ARFGAP3: variants seen among roughly 807,000 people sequenced by gnomAD.
ARFGAP3 encodes ADP-ribosylation factor GTPase-activating protein 3.
A neutral mutation model predicts 75.0 loss-of-function variants in ARFGAP3; 72 were observed. That is an observed-to-expected ratio of 0.96 (90% CI 0.79 to 1.17). ARFGAP3 has a LOEUF of 1.17. Ranked by LOEUF, ARFGAP3 falls within the 50% of genes most tolerant of loss-of-function variation. ARFGAP3 has a pLI of 0.00. For synonymous variants in ARFGAP3, 221 were observed against 217.9 expected (o/e 1.01, Z -0.13); for missense variants, 620 against 626.6 (o/e 0.99, Z 0.11).
intron 11 of ARFGAP3, 114 bp from the exon 12 acceptor site, chr22:42,811,058 T>C (rs1925349153): frequency 1.4e-5 from 20 of 1,471,278 alleles, no homozygotes; most frequent in Non-Finnish European, 1.8e-5. Flanking sequence ...GGCAGTCACA[T>C]AACTAGGTCT....
chr22:42,850,096 T>C (rs1172635324), intron 1 of ARFGAP3, among the ~76,000 whole-genome samples: 1 of 152,114 alleles, frequency 6.6e-6, no homozygotes, highest in African/African-American at 2.4e-5. Flanking sequence ...AACAGGAGCA[T>C]AAAAGTACTT....
chr22:42,846,239 A>T (rs935904622), intron 2 of ARFGAP3, among the ~76,000 whole-genome samples: 2 of 152,142 alleles, frequency 1.3e-5, no homozygotes, highest in South Asian at 4.1e-4. Context: ...ATCTCTGGAA[A>T]TTGTCTGGGG....
At chr22:42,813,948 C>A (rs747736280) in intron 11 of ARFGAP3, among the ~76,000 whole-genome samples, 1 of 152,160 alleles carries the variant, frequency 6.6e-6, no homozygotes, top group Non-Finnish European at 1.5e-5. Context: ...TCTGTCTTTA[C>A]CCAATCTTGA....
intron 13 of ARFGAP3, 33 bp downstream of exon 13, chr22:42,808,734 T>A: frequency 6.4e-7 from 1 of 1,557,314 alleles, no homozygotes; most frequent in South Asian, 1.1e-5. Flanking sequence ...TCCTGCATTA[T>A]GGGGCACCCA....
chr22:42,818,660 T>G (rs1016411640), intron 9 of ARFGAP3, among the ~76,000 whole-genome samples: 2 of 151,804 alleles, frequency 1.3e-5, no homozygotes, highest in Non-Finnish European at 2.9e-5. Flanking sequence ...TTCAGGGCCC[T>G]GAAAAATGAT....
At chr22:42,826,170 T>C (rs972733673) in intron 7 of ARFGAP3, among the ~76,000 whole-genome samples, 1 of 152,196 alleles carries the variant, frequency 6.6e-6, no homozygotes, top group Non-Finnish European at 1.5e-5. Flanking sequence ...ATGGAATATA[T>C]AACAATTACA....
chr22:42,855,948 G>C (rs2146596280), intron 1 of ARFGAP3, among the ~76,000 whole-genome samples: 1 of 152,276 alleles, frequency 6.6e-6, no homozygotes, highest in East Asian at 1.9e-4. Flanking sequence ...GGCTGGGAAG[G>C]AAGGATGGCT....
At chr22:42,832,542 A>G (rs1374521401) in intron 5 of ARFGAP3, among the ~76,000 whole-genome samples, 3 of 152,154 alleles carry the variant, frequency 2.0e-5, no homozygotes, top group Admixed American at 1.3e-4. Context: ...TCAAAAAAAA[A>G]AAAAACGAAA....
chr22:42,799,653 C>G lies in ARFGAP3; in HGVS notation c.1412-493G>C, dbSNP rs144925694. Among the ~76,000 whole-genome samples the G allele has an allele frequency of 5.2e-3, 789 of 152,310 alleles. 7 individuals carry two copies. Among genetic ancestry groups the G allele is most frequent in the African/African-American group, 0.018 (754 of 41,566 alleles). Reference sequence around the variant, plus strand: ...GGCACATGACCCAGGCCTGACCAATCAGAGCCTTCCCAGGGATTCATGTAT... The same window carrying G: ...GGCACATGACCCAGGCCTGACCAATGAGAGCCTTCCCAGGGATTCATGTAT... On this transcript the variant is annotated intron_variant, in intron 14 of 15. Transcript: ENST00000263245.
At chr22:42,797,665 G>T (rs910943783) in intron 15 of ARFGAP3, 60 bp from the exon 16 acceptor site, 1 of 1,613,524 alleles carries the variant, frequency 6.2e-7, no homozygotes, top group Non-Finnish European at 8.5e-7. Context: ...TGACTCCCAC[G>T]CCCTGAATAT....
intron 1 of ARFGAP3, among the ~76,000 whole-genome samples, chr22:42,851,577 T>C (rs1223797158): frequency 6.6e-6 from 1 of 152,148 alleles, no homozygotes; most frequent in Non-Finnish European, 1.5e-5. Context: ...AGCTAACAAG[T>C]GGAGACTGGG....
chr22:42,797,682 T>C (rs1296925526), intron 15 of ARFGAP3, 77 bp from the exon 16 acceptor site: 3 of 1,613,404 alleles, frequency 1.9e-6, no homozygotes, highest in Admixed American at 1.7e-5. Flanking sequence ...ATATTCAGCA[T>C]CACCCAAATT....
chr22:42,843,888 TCA>T (rs1300959481), intron 2 of ARFGAP3, among the ~76,000 whole-genome samples: 46 of 152,320 alleles, frequency 3.0e-4, no homozygotes, highest in Non-Finnish European at 6.0e-4. Context: ...CTGGGAGCAG[TCA>T]GCAACCAATG....
chr22:42,826,327 T>C (rs893288083), intron 7 of ARFGAP3, among the ~76,000 whole-genome samples: 5 of 151,364 alleles, frequency 3.3e-5, no homozygotes, highest in Non-Finnish European at 5.9e-5. Context: ...CAGCCCAACA[T>C]AAACCCACGA....
chr22:42,850,427 A>G (rs988208615), intron 1 of ARFGAP3, among the ~76,000 whole-genome samples: 8 of 151,872 alleles, frequency 5.3e-5, no homozygotes, highest in African/African-American at 1.9e-4. Flanking sequence ...TAAAAAAATT[A>G]GCCGGCGTGG....
intron 11 of ARFGAP3, 73 bp from the exon 12 acceptor site, chr22:42,811,017 C>G: frequency 1.3e-6 from 2 of 1,572,082 alleles, no homozygotes; most frequent in South Asian, 2.4e-5. Flanking sequence ...CTCACTTCCA[C>G]AGATGTGGGG....
chr22:42,854,015 T>C (rs1927392584), intron 1 of ARFGAP3, among the ~76,000 whole-genome samples: 1 of 152,212 alleles, frequency 6.6e-6, no homozygotes, highest in African/African-American at 2.4e-5. Context: ...CACTGCTTAG[T>C]AATTCCTTAG....
intron 14 of ARFGAP3, among the ~76,000 whole-genome samples, chr22:42,802,181 C>T (rs954863337): frequency 2.0e-5 from 3 of 151,942 alleles, no homozygotes; most frequent in Admixed American, 6.6e-5. Flanking sequence ...GTTGTGGCCA[C>T]GTTTCAGGTC....
intron 9 of ARFGAP3, among the ~76,000 whole-genome samples, chr22:42,821,055 C>T (rs980611446): frequency 1.3e-5 from 2 of 152,268 alleles, no homozygotes; most frequent in East Asian, 1.9e-4. Flanking sequence ...GGCAGGCCCC[C>T]GACACACACG....
Sources: allele counts gnomAD v4.1 joint callset (sites outside exome capture counted in the v4.1 genomes callset), GRCh38; gene constraint gnomAD v4.1.1; transcripts MANE v1.5; gene names NCBI Gene and HGNC (gene_info 2026-07-23, HGNC 2026-07-21).